The following LINC00237 variants were observed in gnomAD, a reference collection of about 807,000 sequenced individuals.
LINC00237 encodes long intergenic non-protein coding RNA 237.
chr20:21,092,812 T>C (rs1259590510), intron 2 of LINC00237: 1 of 152,184 alleles, frequency 6.6e-6, no homozygotes, highest in Non-Finnish European at 1.5e-5. Flanking sequence ...AAAGAGCTTG[T>C]TTTAAAAATC....
chr20:21,090,559 G>A (rs893058890), intron 2 of LINC00237: 9 of 152,170 alleles, frequency 5.9e-5, no homozygotes, highest in African/African-American at 1.9e-4. Flanking sequence ...CATAATGTGC[G>A]GATGAAAAGG....
chr20:21,096,427 A>C (rs1322222918), intron 1 of LINC00237, among the ~76,000 whole-genome samples: 1 of 152,182 alleles, frequency 6.6e-6, no homozygotes, highest in Non-Finnish European at 1.5e-5. Flanking sequence ...TTCTACTTGC[A>C]TGCCACTGGC....
At chr20:21,086,640 T>TATA (rs1316629014) in intron 3 of LINC00237, among the ~76,000 whole-genome samples, 1 of 131,094 alleles carries the variant, frequency 7.6e-6, no homozygotes, top group Non-Finnish European at 1.6e-5. Context: ...GTATACTATA[T>TATA]ATAGTATACT....
intron 2 of LINC00237, chr20:21,093,081 T>A (rs1356410154): frequency 6.6e-6 from 1 of 152,170 alleles, no homozygotes; most frequent in Non-Finnish European, 1.5e-5. Context: ...AGAGCCAGCA[T>A]CCACTACACA....
chr20:21,085,767 A>G (rs527350743), exon 4 of LINC00237, among the ~76,000 whole-genome samples: 49 of 152,322 alleles, frequency 3.2e-4, no homozygotes, highest in African/African-American at 1.2e-3. Context: ...TGTAGGATTC[A>G]TCAATTGTAC....
intron 2 of LINC00237, among the ~76,000 whole-genome samples, chr20:21,089,306 A>G (rs1280326371): frequency 6.6e-6 from 1 of 151,834 alleles, no homozygotes; most frequent in Non-Finnish European, 1.5e-5. Context: ...TGACAATAAC[A>G]CCCTTCGGTT....
chr20:21,089,993 C>T (rs1162070616), intron 2 of LINC00237: 3 of 152,188 alleles, frequency 2.0e-5, no homozygotes, highest in African/African-American at 7.2e-5. Flanking sequence ...AGTGCAGCTT[C>T]AGTGTGTTTT....
chr20:21,102,645 C>T (rs1010893407), intron 1 of LINC00237, among the ~76,000 whole-genome samples: 1 of 151,514 alleles, frequency 6.6e-6, no homozygotes, highest in African/African-American at 2.4e-5. Context: ...ATAAATCCTG[C>T]CCCTTGGCAC....
intron 2 of LINC00237, among the ~76,000 whole-genome samples, chr20:21,090,808 T>A (rs1214703504): frequency 6.6e-6 from 1 of 152,174 alleles, no homozygotes; most frequent in African/African-American, 2.4e-5. Flanking sequence ...CAACATATTA[T>A]TGCCATGTTC....
intron 3 of LINC00237, among the ~76,000 whole-genome samples, chr20:21,085,968 C>A (rs1385733010): frequency 2.0e-5 from 3 of 152,182 alleles, no homozygotes; most frequent in Non-Finnish European, 4.4e-5. Flanking sequence ...ACCCTCAAGA[C>A]CCACAGGGGT....
Position 21,101,985 on chromosome 20 carries a change from CT to C in LINC00237, n.88+4285del, listed in dbSNP as rs1434942211. 1.3e-5 allele frequency among the ~76,000 whole-genome samples: 2 copies of C among 152,250 alleles called. No homozygotes were observed. The highest frequency in any genetic ancestry group is 2.9e-5 in the Non-Finnish European group (2 of 68,048). ...ACTCGATTGGACAGCCCCAGGCCGG[CT>C]TTGGATCCTTGGAGGCGGATACGCA... On this transcript the variant is annotated intron_variant and non_coding_transcript_variant, in intron 1 of 3. Transcript: ENST00000691244. The surrounding 1 kb of genome is among the most constrained non-coding windows in gnomAD (Gnocchi z 4.3).
At chr20:21,105,747 G>C (rs993134971) in intron 1 of LINC00237, among the ~76,000 whole-genome samples, 2 of 152,198 alleles carry the variant, frequency 1.3e-5, no homozygotes, top group Admixed American at 6.5e-5. Flanking sequence ...GAGACTCTGC[G>C]CCTAGAGTTT....
chr20:21,100,296 C>T (rs1490900256), intron 1 of LINC00237, among the ~76,000 whole-genome samples: 1 of 152,164 alleles, frequency 6.6e-6, no homozygotes, highest in Admixed American at 6.5e-5. Context: ...CTGCGGGCGG[C>T]GGCAAAATAC....
intron 2 of LINC00237, among the ~76,000 whole-genome samples, chr20:21,091,826 T>G (rs565877353): frequency 6.6e-6 from 1 of 152,346 alleles, no homozygotes; most frequent in South Asian, 2.1e-4. Context: ...ATGAGTGAAC[T>G]GAAACTCAAG....
intron 1 of LINC00237, among the ~76,000 whole-genome samples, chr20:21,097,720 T>G (rs1362305181): frequency 2.0e-5 from 3 of 152,180 alleles, no homozygotes; most frequent in Admixed American, 2.0e-4. Flanking sequence ...ACTTTGGATT[T>G]TTCCCCCCAA....
At chr20:21,103,211 C>T (rs1324655875) in intron 1 of LINC00237, among the ~76,000 whole-genome samples, 1 of 152,272 alleles carries the variant, frequency 6.6e-6, no homozygotes, top group Non-Finnish European at 1.5e-5. Context: ...GTCTCGCACA[C>T]CTGCCCATCT....
intron 1 of LINC00237, among the ~76,000 whole-genome samples, chr20:21,094,791 T>C (rs2030835432): frequency 6.6e-6 from 1 of 152,216 alleles, no homozygotes; most frequent in South Asian, 2.1e-4. Flanking sequence ...GGCTTACACC[T>C]GTATTCCCAG....
intron 1 of LINC00237, among the ~76,000 whole-genome samples, chr20:21,099,143 TGGATAAACCTGTGCTTTCTG>T (rs925251805): frequency 1.3e-5 from 2 of 152,190 alleles, no homozygotes; most frequent in African/African-American, 4.8e-5. Context: ...TCCATGGTTT[TGGATAAACCTGTGCTTTCTG>T]GGAAGTTGCT....
intron 1 of LINC00237, among the ~76,000 whole-genome samples, chr20:21,105,644 C>G (rs2030989408): frequency 6.6e-6 from 1 of 152,210 alleles, no homozygotes. Flanking sequence ...ACGACCTCTT[C>G]AGGAGAAAAG....
Sources: gnomAD v4.1 joint callset for allele counts (sites outside exome capture counted in the v4.1 genomes callset) on GRCh38, gnomAD v4.1.1 for gene constraint, Gnocchi (gnomAD v3.1) non-coding constraint, MANE v1.5 for transcripts, NCBI Gene and HGNC (gene_info 2026-07-23, HGNC 2026-07-21) for gene names.